Variants in DLGAP2 observed in about 807,000 individuals in gnomAD.
DLGAP2 encodes the protein DLG associated protein 2.
DLGAP2 carries 26 observed loss-of-function variants against 100.3 expected under a neutral mutation model. The ratio of observed to expected loss-of-function variants is 0.26; its 90% CI spans 0.19 to 0.36. DLGAP2 has a LOEUF of 0.36. Among genes scored for constraint, DLGAP2 ranks in the 10% least tolerant of loss-of-function variants. The pLI is 1.00. For synonymous variants in DLGAP2, 886 were observed against 630.1 expected, an observed-to-expected ratio of 1.41 and a Z score of -6.08; for missense variants, 1,858 against 1,453.2, an observed-to-expected ratio of 1.28 and a Z score of -4.53.
rs1563161105 is a variant in DLGAP2 at position 1,042,777 on chromosome 8, A to ATGTGGGTGGTGGG, written c.73+134837_73+134849dup. Among the ~76,000 whole-genome samples, 222 of 44,516 alleles carry ATGTGGGTGGTGGG rather than the reference A, an allele frequency of 5.0e-3. 67 individuals are homozygous for ATGTGGGTGGTGGG. Among genetic ancestry groups the ATGTGGGTGGTGGG allele is most frequent in the African/African-American group, 7.9e-3 (103 of 13,012 alleles). The allele number at this position is 44,516 out of a possible 152,430, so 29.2% of individuals were successfully genotyped here. A position where few individuals can be genotyped will look rare whatever the true frequency, so the allele number is the denominator to read the frequency against. On this transcript the variant is annotated intron_variant, in intron 2 of 14. Coordinates refer to ENST00000637795, the MANE Select transcript of DLGAP2 (RefSeq NM_001346810.2). ...TGTAGGTGGTGGATGTGGGTGATGGATGTGGGTGGTGGGTGTGGGTGGTGG... is the reference window on the plus strand; with the variant it reads ...TGTAGGTGGTGGATGTGGGTGATGGATGTGGGTGGTGGGTGTGGGTGGTGGGTGTGGGTGGTGG...
intron 2 of DLGAP2, among the ~76,000 whole-genome samples, chr8:1,211,274 C>T (rs377715313): frequency 1.3e-4 from 20 of 152,248 alleles, no homozygotes; most frequent in South Asian, 2.1e-4. Context: ...ACAGGGTGGC[C>T]GTGGGGACGT....
At chr8:768,794 A>T (rs954910899) in intron 1 of DLGAP2, among the ~76,000 whole-genome samples, 1 of 152,126 alleles carries the variant, frequency 6.6e-6, no homozygotes, top group Non-Finnish European at 1.5e-5. Flanking sequence ...GTGCGCTTCC[A>T]TCGGAAAACC....
intron 2 of DLGAP2, among the ~76,000 whole-genome samples, chr8:1,070,182 G>A (rs1484635622): frequency 6.6e-6 from 1 of 152,152 alleles, no homozygotes; most frequent in East Asian, 1.9e-4. Flanking sequence ...CAGCTGATTT[G>A]TAGACTCGGC....
intron 3 of DLGAP2, among the ~76,000 whole-genome samples, chr8:1,325,989 G>A (rs777132483): frequency 6.6e-6 from 1 of 152,136 alleles, no homozygotes; most frequent in Non-Finnish European, 1.5e-5. Flanking sequence ...TTCTGCCTCC[G>A]GGTTAGCCAT....
chr8:848,035 T>TA (rs1421614953), intron 1 of DLGAP2, among the ~76,000 whole-genome samples: 5 of 152,300 alleles, frequency 3.3e-5, no homozygotes, highest in African/African-American at 1.2e-4. Flanking sequence ...GTGGGCCTGT[T>TA]ACTCTTCAGT....
chr8:1,003,500 T>G (rs1024622268), intron 2 of DLGAP2, among the ~76,000 whole-genome samples: 7 of 152,248 alleles, frequency 4.6e-5, no homozygotes, highest in Admixed American at 3.3e-4. Flanking sequence ...AACAATCCAT[T>G]GGTTTTGGTT....
intron 8 of DLGAP2, among the ~76,000 whole-genome samples, chr8:1,634,521 C>T (rs573155309): frequency 9.9e-5 from 15 of 152,264 alleles, no homozygotes; most frequent in African/African-American, 3.6e-4. Flanking sequence ...CACTCCTGCC[C>T]CTTGGTGAAG....
chr8:1,496,548 G>C (rs1382272168), intron 3 of DLGAP2, among the ~76,000 whole-genome samples: 1 of 152,062 alleles, frequency 6.6e-6, no homozygotes, highest in Non-Finnish European at 1.5e-5. Flanking sequence ...GTGACATTGA[G>C]ACGACTCATC....
chr8:1,315,992 T>C (rs1585251870), intron 3 of DLGAP2, among the ~76,000 whole-genome samples: 1 of 137,222 alleles, frequency 7.3e-6, no homozygotes, highest in Non-Finnish European at 1.6e-5. Flanking sequence ...ATAGAGGCTG[T>C]GCGAGTGCAG....
chr8:1,473,628 A>G (rs955130329), intron 3 of DLGAP2, among the ~76,000 whole-genome samples: 3 of 152,184 alleles, frequency 2.0e-5, no homozygotes, highest in African/African-American at 7.2e-5. Flanking sequence ...AATACGGTGT[A>G]GGCTATGGTA....
intron 3 of DLGAP2, among the ~76,000 whole-genome samples, chr8:1,270,804 CTG>C (rs145285119): frequency 3.3e-5 from 5 of 150,836 alleles, no homozygotes; most frequent in South Asian, 2.1e-4. Flanking sequence ...CTGTGTGTCT[CTG>C]TGTGTGTGTG....
At chr8:867,484 C>G (rs890596188) in intron 1 of DLGAP2, among the ~76,000 whole-genome samples, 8 of 152,188 alleles carry the variant, frequency 5.3e-5, no homozygotes, top group Admixed American at 1.3e-4. Flanking sequence ...GATACCCAAA[C>G]TAGTTGAGAA....
intron 2 of DLGAP2, among the ~76,000 whole-genome samples, chr8:1,242,150 G>A (rs1798810574): frequency 1.3e-5 from 2 of 152,196 alleles, no homozygotes; most frequent in African/African-American, 4.8e-5. Flanking sequence ...ATAAACAACA[G>A]AACATTAATT....
intron 6 of DLGAP2, among the ~76,000 whole-genome samples, chr8:1,577,876 C>A (rs1584948061): frequency 6.6e-6 from 1 of 152,196 alleles, no homozygotes; most frequent in South Asian, 2.1e-4. Flanking sequence ...AAGTCCTGAG[C>A]CCCGCCCGGT....
chr8:856,351 G>T (rs768145091), intron 1 of DLGAP2, among the ~76,000 whole-genome samples: 1 of 151,938 alleles, frequency 6.6e-6, no homozygotes, highest in African/African-American at 2.4e-5. Context: ...ACCACGCCTG[G>T]CTAATTTTGT....
intron 3 of DLGAP2, among the ~76,000 whole-genome samples, chr8:1,447,694 C>T (rs1216304606): frequency 2.0e-5 from 3 of 152,150 alleles, no homozygotes; most frequent in South Asian, 2.1e-4. Flanking sequence ...TGGTAGAATT[C>T]GGCTGTGAAT....
intron 2 of DLGAP2, among the ~76,000 whole-genome samples, chr8:1,024,641 A>G (rs1801738671): frequency 6.6e-6 from 1 of 152,176 alleles, no homozygotes. Context: ...CTGGAGACAG[A>G]ACTAAAACTA....
In DLGAP2 at chr8:1,470,819, C is replaced by G. The variant is rs370628076; in HGVS notation, c.107-30547C>G. Reference sequence around the variant, plus strand: ...ACCCCTCCAGCCTTTCCCGACCCCTCCAGCCTTTCCCGACCCCTCCAGGCT... The same window carrying G: ...ACCCCTCCAGCCTTTCCCGACCCCTGCAGCCTTTCCCGACCCCTCCAGGCT... On this transcript the variant is annotated intron_variant, in intron 3 of 14. Coordinates refer to ENST00000637795, the MANE Select transcript of DLGAP2 (RefSeq NM_001346810.2). Among the ~76,000 whole-genome samples, 768 of 81,452 alleles carry G rather than the reference C, an allele frequency of 9.4e-3. 80 individuals carry two copies. Among genetic ancestry groups the G allele is most frequent in the East Asian group, 0.068 (88 of 1,296 alleles). The allele number at this position is 81,452 out of a possible 152,430, so 53.4% of individuals were successfully genotyped here.
At chr8:1,610,187 T>C (rs1334438770) in intron 6 of DLGAP2, among the ~76,000 whole-genome samples, 1 of 152,032 alleles carries the variant, frequency 6.6e-6, no homozygotes. Flanking sequence ...TAACAAACTA[T>C]CTCTCAGACC....
Sources: allele counts gnomAD v4.1 joint callset (sites outside exome capture counted in the v4.1 genomes callset), GRCh38; gene constraint gnomAD v4.1.1; transcripts MANE v1.5; gene names NCBI Gene and HGNC (gene_info 2026-07-23, HGNC 2026-07-21).